NPIPB2: variants seen among roughly 807,000 people sequenced by gnomAD.
NPIPB2 encodes the protein nuclear pore complex interacting protein family member B2, also known as nuclear pore complex-interacting protein family member B2.
Under a neutral mutation model 30.8 loss-of-function variants are expected in NPIPB2, and 27 were observed. The ratio of observed to expected loss-of-function variants is 0.88; its 90% CI spans 0.65 to 1.21. The LOEUF (loss-of-function observed/expected upper bound fraction) is 1.21. Ranked by LOEUF, NPIPB2 falls within the 50% of genes most tolerant of loss-of-function variation. NPIPB2 has a pLI of 0.00. For synonymous variants in NPIPB2, 147 were observed against 162.0 expected (o/e 0.91, Z 0.70); for missense variants, 440 against 446.2 (o/e 0.99, Z 0.13).
chr16:11,938,562 C>G (rs1218807484), intron 1 of NPIPB2, among the ~76,000 whole-genome samples: 1 of 150,120 alleles, frequency 6.7e-6, no homozygotes, highest in Non-Finnish European at 1.5e-5. Context: ...AACTCCTGAC[C>G]TCAGGTAATC....
intron 1 of NPIPB2, chr16:11,964,968 C>T (rs1015282900): frequency 3.0e-5 from 10 of 335,636 alleles, no homozygotes; most frequent in African/African-American, 1.9e-4. Context: ...GAAACTGTTA[C>T]TGAACATTCG....
At chr16:11,953,595 CCA>C (rs1555509526) in intron 1 of NPIPB2, among the ~76,000 whole-genome samples, 2 of 152,100 alleles carry the variant, frequency 1.3e-5, no homozygotes, top group Non-Finnish European at 2.9e-5. Context: ...CGTGATTCAC[CCA>C]CCTTGGCTTC....
chr16:11,944,933 C>A (rs894221355), upstream of NPIPB2, among the ~76,000 whole-genome samples: 18 of 151,580 alleles, frequency 1.2e-4, no homozygotes, highest in African/African-American at 4.1e-4. Context: ...AATCCCAGCA[C>A]TTTGGAAGGT....
chr16:11,934,389 G>T (rs564115014), intron 2 of NPIPB2, among the ~76,000 whole-genome samples: 1 of 150,752 alleles, frequency 6.6e-6, no homozygotes, highest in African/African-American at 2.4e-5. Context: ...CGCTGTCTCT[G>T]CTAAAAATAC....
upstream of NPIPB2, chr16:11,942,137 C>A (rs1016842706): frequency 8.5e-6 from 13 of 1,532,190 alleles, no homozygotes; most frequent in South Asian, 1.3e-4. Context: ...AACAAATGTA[C>A]GTACATTCAT....
upstream of NPIPB2, among the ~76,000 whole-genome samples, chr16:11,945,809 T>C (rs1448120746): frequency 1.3e-5 from 2 of 152,062 alleles, no homozygotes; most frequent in Non-Finnish European, 2.9e-5. Context: ...CCATGGGTTC[T>C]ATGTTCTTAC....
At chr16:11,933,904 G>A (rs767223113) in exon 3 of NPIPB2, 3 of 1,553,464 alleles carry the variant, frequency 1.9e-6, no homozygotes, top group East Asian at 2.2e-5. Context: ...CAGACTGGAA[G>A]ATAGTCTTCA....
At chr16:11,972,391 T>C (rs1048630029) in intron 1 of NPIPB2, among the ~76,000 whole-genome samples, 8 of 151,676 alleles carry the variant, frequency 5.3e-5, no homozygotes, top group Non-Finnish European at 1.0e-4. Context: ...CTGAACAACA[T>C]GGGGAAACCC....
chr16:11,959,608 TA>T (rs1270890607), intron 1 of NPIPB2, among the ~76,000 whole-genome samples: 3 of 151,858 alleles, frequency 2.0e-5, no homozygotes, highest in Non-Finnish European at 2.9e-5. Context: ...ATCATATTAT[TA>T]AAAAAAAATA....
chr16:11,946,160 C>G (rs538003873), upstream of NPIPB2, among the ~76,000 whole-genome samples: 1 of 151,920 alleles, frequency 6.6e-6, no homozygotes, highest in Admixed American at 6.6e-5. Flanking sequence ...CCAGAGCGGG[C>G]AGATCGCCTG....
upstream of NPIPB2, among the ~76,000 whole-genome samples, chr16:11,945,252 G>A (rs927964072): frequency 3.3e-5 from 5 of 152,104 alleles, no homozygotes; most frequent in Non-Finnish European, 7.4e-5. Flanking sequence ...GAGATAGTGT[G>A]TGCTTATAGT....
intron 1 of NPIPB2, among the ~76,000 whole-genome samples, chr16:11,953,643 C>G (rs1225165641): frequency 2.6e-5 from 4 of 151,940 alleles, no homozygotes; most frequent in African/African-American, 9.7e-5. Flanking sequence ...AGCCACTGTG[C>G]CTGGCCTGAG....
intron 1 of NPIPB2, among the ~76,000 whole-genome samples, chr16:11,972,706 C>G (rs916048195): frequency 6.6e-6 from 1 of 151,294 alleles, no homozygotes. Flanking sequence ...AACCCCGTCT[C>G]TACTAGAATT....
At chr16:11,927,516 C>T (rs781703959) in exon 8 of NPIPB2, 5 of 1,485,810 alleles carry the variant, frequency 3.4e-6, no homozygotes, top group Non-Finnish European at 4.5e-6. Context: ...CTCTTGGGTT[C>T]GGGTGGTGAT....
chr16:11,971,657 G>C (rs538018644), intron 1 of NPIPB2, among the ~76,000 whole-genome samples: 20 of 151,972 alleles, frequency 1.3e-4, no homozygotes, highest in African/African-American at 4.6e-4. Context: ...ACCAAGCTCA[G>C]CTAATTTTTG....
intron 1 of NPIPB2, chr16:11,967,885 C>A: frequency 6.3e-7 from 1 of 1,597,116 alleles, no homozygotes; most frequent in Non-Finnish European, 8.5e-7. Context: ...CTTTAAAAAT[C>A]TTTTGTCAGA....
chr16:11,950,505 A>G (rs1465135977), intron 1 of NPIPB2, among the ~76,000 whole-genome samples: 1 of 152,128 alleles, frequency 6.6e-6, no homozygotes, highest in African/African-American at 2.4e-5. Flanking sequence ...ATGCCTGATG[A>G]CTTTGCAAAT....
At chr16:11,933,634 A>G in exon 4 of NPIPB2, 1 of 1,596,880 alleles carries the variant, frequency 6.3e-7, no homozygotes, top group East Asian at 2.2e-5. Context: ...CCGTAGAGTA[A>G]TGACGTCTTT....
chr16:11,969,636 T>C (rs2055222894), intron 1 of NPIPB2, among the ~76,000 whole-genome samples: 1 of 152,216 alleles, frequency 6.6e-6, no homozygotes, highest in Admixed American at 6.5e-5. Flanking sequence ...ACGAATTCAG[T>C]GTGCAGTGCA....
Sources: gnomAD v4.1 joint callset for allele counts (sites outside exome capture counted in the v4.1 genomes callset) on GRCh38, gnomAD v4.1.1 for gene constraint, MANE v1.5 for transcripts, NCBI Gene and HGNC (gene_info 2026-07-23, HGNC 2026-07-21) for gene names.